SHROOM4: variants seen among roughly 807,000 people sequenced by gnomAD.
SHROOM4 encodes the protein shroom family member 4.
A neutral mutation model predicts 80.3 loss-of-function variants in SHROOM4; 17 were observed. That is an observed-to-expected ratio of 0.21 (90% CI 0.14 to 0.32). The LOEUF (loss-of-function observed/expected upper bound fraction) is 0.32. Among genes scored for constraint, SHROOM4 ranks in the 10% least tolerant of loss-of-function variants. SHROOM4 has a pLI of 1.00. For synonymous variants in SHROOM4, 400 were observed against 437.5 expected, an observed-to-expected ratio of 0.91 and a Z score of 1.07; for missense variants, 993 against 1,140.3, an observed-to-expected ratio of 0.87 and a Z score of 1.86.
intron 1 of SHROOM4, among the ~76,000 whole-genome samples, chrX:50,748,266 G>A (rs1557267801): frequency 8.9e-6 from 1 of 111,875 alleles, no homozygotes; most frequent in Admixed American, 9.5e-5. Context: ...ATGGGGAACA[G>A]TTGAGAGACT....
Position 50,588,224 on chromosome X carries a change from C to T in SHROOM4, c.*8471G>A, listed in dbSNP as rs1452501511. On this transcript the variant is annotated 3_prime_UTR_variant, in exon 9 of 9. Transcript: ENST00000376020. ...CAGTGGGGAACTCCTAAGGCTGAAACATTTTATCTGCAGGTCCAAAAAATC... is the reference window on the plus strand; with the variant it reads ...CAGTGGGGAACTCCTAAGGCTGAAATATTTTATCTGCAGGTCCAAAAAATC... 9.0e-6 allele frequency among the ~76,000 whole-genome samples: 1 copy of T among 111,398 alleles called. No homozygotes were observed. Among genetic ancestry groups the T allele is most frequent in the Non-Finnish European group, 1.9e-5 (1 of 53,077 alleles).
At chrX:50,784,046 C>T (rs375466786) in intron 1 of SHROOM4, among the ~76,000 whole-genome samples, 28 of 112,442 alleles carry the variant, frequency 2.5e-4, no homozygotes, top group East Asian at 2.0e-3. Flanking sequence ...TGTTACACAA[C>T]GGCGTCGCCA....
At chrX:50,733,676 T>G (rs1934419328) in intron 1 of SHROOM4, among the ~76,000 whole-genome samples, 1 of 112,186 alleles carries the variant, frequency 8.9e-6, no homozygotes, top group East Asian at 2.8e-4. Flanking sequence ...ATACATATAA[T>G]GAAAGACTAC....
chrX:50,687,919 A>AG (rs1265566876), intron 2 of SHROOM4, among the ~76,000 whole-genome samples: 8 of 110,273 alleles, frequency 7.3e-5, no homozygotes, highest in African/African-American at 2.6e-4. Flanking sequence ...AAAAAAAAAA[A>AG]ACTCCTGAGT....
intron 1 of SHROOM4, among the ~76,000 whole-genome samples, chrX:50,731,245 G>C (rs1407807871): frequency 9.2e-6 from 1 of 108,764 alleles, no homozygotes; most frequent in East Asian, 2.9e-4. Flanking sequence ...AAAAAAGCAA[G>C]TCTGTGGTAT....
At chrX:50,783,770 T>A (rs1935679095) in intron 1 of SHROOM4, among the ~76,000 whole-genome samples, 1 of 111,065 alleles carries the variant, frequency 9.0e-6, no homozygotes. Flanking sequence ...GAGATGGGGT[T>A]TTGCCATGTT....
intron 2 of SHROOM4, among the ~76,000 whole-genome samples, chrX:50,690,669 C>T (rs1933196007): frequency 8.9e-6 from 1 of 112,637 alleles, no homozygotes. Flanking sequence ...GATATTTCTA[C>T]TCTTAAGCGT....
At position 50,690,383 on chromosome X, in the gene SHROOM4, T is replaced by G. The variant is rs144440234; in HGVS notation, c.269+5403A>C. Among the ~76,000 whole-genome samples, 837 of 111,876 alleles carry G rather than the reference T, an allele frequency of 7.5e-3. 11 individuals are homozygous for G. The highest frequency in any genetic ancestry group is 0.025 in the African/African-American group (783 of 30,910). ...AAGGCTTATCTATTTAATTCATCCC[T>G]CTGAAAAGAAACCTAGTCCTTGGTT... On this transcript the variant is annotated intron_variant, in intron 2 of 8. Transcript: ENST00000376020.
rs1043241487 is a variant in SHROOM4, at chrX:50,710,154, C to T, written c.118-14217G>A. Among the ~76,000 whole-genome samples, 6 of 111,803 alleles carry T rather than the reference C, an allele frequency of 5.4e-5. No individual in the cohort carries two copies. The Admixed American group carries it at 5.7e-4, about 11-fold the overall frequency. On this transcript the variant is annotated intron_variant, in intron 1 of 8. Coordinates refer to ENST00000376020, the MANE Select transcript of SHROOM4 (RefSeq NM_020717.5). ...AACAACTTAAAACTACCATTCGACCCAGAAATCCTACTACTGAGTATCCAA... is the reference window on the plus strand; with the variant it reads ...AACAACTTAAAACTACCATTCGACCTAGAAATCCTACTACTGAGTATCCAA...
intron 2 of SHROOM4, among the ~76,000 whole-genome samples, chrX:50,684,317 G>A (rs1557262050): frequency 9.0e-6 from 1 of 111,188 alleles, no homozygotes; most frequent in African/African-American, 3.3e-5. Context: ...ATGTCTACAA[G>A]CCAAGGAATG....
chrX:50,737,016 A>C (rs782298318), intron 1 of SHROOM4, among the ~76,000 whole-genome samples: 2 of 112,436 alleles, frequency 1.8e-5, no homozygotes, highest in South Asian at 7.3e-4. Context: ...TTGGATTTTC[A>C]AAAGAATATT....
At chrX:50,617,918 T>G (rs1930318564) in intron 5 of SHROOM4, among the ~76,000 whole-genome samples, 1 of 111,712 alleles carries the variant, frequency 9.0e-6, no homozygotes, top group South Asian at 3.8e-4. Flanking sequence ...TGGGATCATC[T>G]GGGCCAACGT....
At chrX:50,781,322 A>G (rs1242435872) in intron 1 of SHROOM4, among the ~76,000 whole-genome samples, 2 of 110,033 alleles carry the variant, frequency 1.8e-5, no homozygotes, top group African/African-American at 6.6e-5. Flanking sequence ...CATCATAACC[A>G]CCATCCAACA....
rs190883152 is a variant in SHROOM4 at position 50,794,244 on chromosome X, T to C, written c.117+19658A>G. On this transcript the variant is annotated intron_variant, in intron 1 of 8. Coordinates refer to ENST00000376020, the MANE Select transcript of SHROOM4 (RefSeq NM_020717.5). ...CACTGCAACTGGAGCTATTTAACTT[T>C]TTTTAACTTCTGAAATATAATTAAA... Among the ~76,000 whole-genome samples the C allele has an allele frequency of 4.5e-5, 5 of 111,799 alleles. No individual in the cohort carries two copies. The East Asian group carries it at 1.4e-3, about 31-fold the overall frequency.
At chrX:50,704,759 C>T (rs1311292776) in intron 1 of SHROOM4, among the ~76,000 whole-genome samples, 1 of 111,156 alleles carries the variant, frequency 9.0e-6, no homozygotes. Flanking sequence ...GTATACCCTC[C>T]AGCAGATGTG....
At chrX:50,800,126 T>C (rs372047171) in intron 1 of SHROOM4, among the ~76,000 whole-genome samples, 1 of 112,259 alleles carries the variant, frequency 8.9e-6, no homozygotes, top group East Asian at 2.8e-4. Flanking sequence ...AGTTCCCATG[T>C]GTGTGTCATT....
At chrX:50,723,391 A>AGG (rs1934171252) in intron 1 of SHROOM4, among the ~76,000 whole-genome samples, 1 of 69,071 alleles carries the variant, frequency 1.4e-5, no homozygotes, top group African/African-American at 5.1e-5. Context: ...GGAGCAAGGG[A>AGG]GGGAGAGAGA....
intron 1 of SHROOM4, among the ~76,000 whole-genome samples, chrX:50,723,708 G>A (rs932193536): frequency 8.1e-5 from 9 of 110,457 alleles, no homozygotes; most frequent in African/African-American, 1.7e-4. Context: ...GGGTAAGTCC[G>A]TCCCCTTCTT....
chrX:50,755,358 T>C (rs1602490082), intron 1 of SHROOM4, among the ~76,000 whole-genome samples: 1 of 111,961 alleles, frequency 8.9e-6, no homozygotes, highest in African/African-American at 3.2e-5. Flanking sequence ...GCAAGACACA[T>C]GGACAACTCA....
Sources: gnomAD v4.1 joint callset for allele counts (sites outside exome capture counted in the v4.1 genomes callset) on GRCh38, gnomAD v4.1.1 for gene constraint, MANE v1.5 for transcripts, NCBI Gene and HGNC (gene_info 2026-07-23, HGNC 2026-07-21) for gene names.